BNC2: variants seen among roughly 807,000 people sequenced by gnomAD.
The protein encoded by BNC2 is zinc finger protein basonuclin-2.
Under a neutral mutation model 76.3 loss-of-function variants are expected in BNC2, and 20 were observed. The ratio of observed to expected loss-of-function variants is 0.26; its 90% confidence interval spans 0.18 to 0.38. The LOEUF is 0.38. Among genes scored for constraint, BNC2 ranks in the 10% least tolerant of loss-of-function variants. The pLI, the probability that BNC2 is intolerant of heterozygous loss-of-function variation, is 1.00. For synonymous variants in BNC2, 582 were observed against 514.8 expected, an observed-to-expected ratio of 1.13 and a Z score of -1.77; for missense variants, 1,382 against 1,399.8, an observed-to-expected ratio of 0.99 and a Z score of 0.20.
At chr9:16,429,373 T>C (rs1051141858) in intron 6 of BNC2, 1 of 152,730 alleles carries the variant, frequency 6.5e-6, no homozygotes, top group Non-Finnish European at 1.5e-5. Flanking sequence ...CCAGCCCATG[T>C]TTTTTAAAAA....
At chr9:16,770,339 C>T (rs1461025263) in intron 1 of BNC2, among the ~76,000 whole-genome samples, 3 of 152,122 alleles carry the variant, frequency 2.0e-5, no homozygotes, top group Non-Finnish European at 2.9e-5. Flanking sequence ...AAAACCTCTC[C>T]CCAAAGCTCA....
chr9:16,789,940 T>C (rs1817455330), intron 1 of BNC2, among the ~76,000 whole-genome samples: 1 of 152,204 alleles, frequency 6.6e-6, no homozygotes, highest in Non-Finnish European at 1.5e-5. Flanking sequence ...TAAATACAGG[T>C]AGTCCTCATT....
chr9:16,602,685 T>A (rs879746514), intron 3 of BNC2, among the ~76,000 whole-genome samples: 2 of 152,142 alleles, frequency 1.3e-5, no homozygotes, highest in South Asian at 2.1e-4. Context: ...TTAGAGGAAG[T>A]GGGCTGCAAC....
intron 5 of BNC2, among the ~76,000 whole-genome samples, chr9:16,441,275 G>A (rs905228678): frequency 2.0e-5 from 3 of 152,210 alleles, no homozygotes; most frequent in Non-Finnish European, 4.4e-5. Context: ...CTGCACTCCA[G>A]CCTGAGCAAC....
At position 16,419,482 on chromosome 9, in the gene BNC2, G is replaced by A. The variant is rs778761698; in HGVS notation, c.2807C>T (p.Ser936Phe). The stretch of plus-strand genomic sequence containing the variant: ...GGAGTCTTCAGTCCCTGCGGGAGAG[G>A]AGGCGTCTTCCCTGACATCGAGCCC... ...PMGLDVREDA[S>F]SPAGTEDSHL... is the part of the protein sequence containing the mutation. Residue 936 changes from serine to phenylalanine, a missense_variant, in exon 7 of 7, where the codon TCC becomes TTC. This residue lies in a region of BNC2 where 798 missense variants were observed against 775.5 expected (regional missense o/e 1.03). Transcript: ENST00000380672. 5.0e-6 allele frequency: 8 copies of A among 1,614,014 alleles called. No individual in the cohort carries two copies. In the African/African-American group the frequency reaches 1.1e-4, roughly 22 times the overall value.
At chr9:16,792,881 G>C (rs928146580) in intron 1 of BNC2, among the ~76,000 whole-genome samples, 2 of 152,192 alleles carry the variant, frequency 1.3e-5, no homozygotes, top group Non-Finnish European at 2.9e-5. Context: ...AGCCTAATAA[G>C]GATGTATGAT....
chr9:16,696,993 G>C (rs1823357115), intron 3 of BNC2, among the ~76,000 whole-genome samples: 1 of 152,130 alleles, frequency 6.6e-6, no homozygotes, highest in Admixed American at 6.5e-5. Context: ...GCTTACTTCT[G>C]AATATCTCTA....
At chr9:16,748,384 G>A (rs188998968) in intron 1 of BNC2, among the ~76,000 whole-genome samples, 174 of 152,212 alleles carry the variant, frequency 1.1e-3, no homozygotes, top group African/African-American at 4.0e-3. Flanking sequence ...ATGGTGGTAC[G>A]TGCCAATGGT....
In BNC2 at chr9:16,639,618, G is replaced by GA. The variant is rs1052384276; in HGVS notation, c.331-56534dup. 2.3e-3 allele frequency among the ~76,000 whole-genome samples: 343 copies of GA among 146,186 alleles called. 1 individual carries two copies. Among genetic ancestry groups the GA allele is most frequent in the African/African-American group, 6.4e-3 (257 of 40,026 alleles). On this transcript the variant is annotated intron_variant, in intron 3 of 6. Coordinates refer to ENST00000380672, the MANE Select transcript of BNC2 (RefSeq NM_017637.6). ...TACAACAACACATGTGAAAACACAG[G>GA]AAAAAAAAAAATCTCAAGTCAGGCA...
intron 3 of BNC2, 70 bp downstream of exon 3, chr9:16,727,727 A>G (rs1824382027): frequency 7.5e-7 from 1 of 1,334,386 alleles, no homozygotes; most frequent in African/African-American, 1.5e-5. Context: ...CACCAGAAAC[A>G]AAAGTGCCCA....
At chr9:16,860,337 C>A (rs1412714976) in intron 1 of BNC2, among the ~76,000 whole-genome samples, 1 of 152,050 alleles carries the variant, frequency 6.6e-6, no homozygotes, top group East Asian at 1.9e-4. Flanking sequence ...CAAGGACAGA[C>A]AGAAAGATCA....
chr9:16,441,174 C>T (rs925595262), intron 5 of BNC2, among the ~76,000 whole-genome samples: 12 of 152,118 alleles, frequency 7.9e-5, no homozygotes, highest in African/African-American at 2.9e-4. Flanking sequence ...TGTGGTGGTC[C>T]GTGCCTATAG....
chr9:16,772,249 T>G (rs1255470235), intron 1 of BNC2, among the ~76,000 whole-genome samples: 1 of 152,030 alleles, frequency 6.6e-6, no homozygotes, highest in Non-Finnish European at 1.5e-5. Context: ...GGACCAGGGG[T>G]GTATATAAAA....
intron 3 of BNC2, among the ~76,000 whole-genome samples, chr9:16,618,211 C>T (rs950497823): frequency 6.6e-6 from 1 of 152,148 alleles, no homozygotes; most frequent in African/African-American, 2.4e-5. Context: ...TAAACCAGAT[C>T]ATCTGGACAC....
intron 3 of BNC2, among the ~76,000 whole-genome samples, chr9:16,725,753 T>C (rs758280331): frequency 3.9e-5 from 6 of 152,190 alleles, no homozygotes; most frequent in Non-Finnish European, 8.8e-5. Context: ...ACATCATAAA[T>C]TGTCCTAATT....
At chr9:16,592,198 G>A (rs1002614292) in intron 3 of BNC2, among the ~76,000 whole-genome samples, 4 of 151,606 alleles carry the variant, frequency 2.6e-5, no homozygotes, top group Admixed American at 2.0e-4. Flanking sequence ...CAAAATAATC[G>A]AAAGAGATTC....
rs1824744911 is a variant in BNC2, at chr9:16,738,447, AT to A, written c.41del (p.Asn14IlefsTer38). 6.2e-7 allele frequency: 1 copy of A among 1,614,120 alleles called. No individual in the cohort carries two copies. The highest frequency in any genetic ancestry group is 8.5e-7 in the Non-Finnish European group (1 of 1,179,986). ...LGPTPPPHSL[N>X]YKSEDRLSEQ... ...CACTAAGCCTGTCCTCTGATTTGTA[AT>A]TAAGGCTATGTGGAGGTGGGGTGGG... On this transcript the variant is annotated frameshift_variant, in exon 2 of 7. Coordinates refer to ENST00000380672, the MANE Select transcript of BNC2 (RefSeq NM_017637.6). LOFTEE classifies it high-confidence loss of function.
intron 1 of BNC2, among the ~76,000 whole-genome samples, chr9:16,841,773 A>G (rs1818833066): frequency 6.6e-6 from 1 of 151,924 alleles, no homozygotes; most frequent in Non-Finnish European, 1.5e-5. Flanking sequence ...CAAAAGATGT[A>G]TTTCCGAAGC....
chr9:16,803,928 T>C (rs1817844100), intron 1 of BNC2, among the ~76,000 whole-genome samples: 1 of 152,188 alleles, frequency 6.6e-6, no homozygotes, highest in East Asian at 1.9e-4. Context: ...TATGGCAAAT[T>C]TTAATGTACT....
Sources: allele counts gnomAD v4.1 joint callset (sites outside exome capture counted in the v4.1 genomes callset), GRCh38; gene constraint gnomAD v4.1.1; regional missense constraint gnomAD v4.1.1; transcripts MANE v1.5; gene names NCBI Gene and HGNC (gene_info 2026-07-23, HGNC 2026-07-21).